Variants in CRIM1 observed in about 807,000 individuals in gnomAD.
The protein encoded by CRIM1 is cysteine-rich motor neuron 1 protein.
In CRIM1, 32 loss-of-function variants were observed where a neutral mutation model predicts 116.4. The observed-to-expected ratio is 0.27, with a 90% CI of 0.21 to 0.37. CRIM1 has a LOEUF of 0.37. Among genes scored for constraint, CRIM1 ranks in the 10% least tolerant of loss-of-function variants. The probability of loss-of-function intolerance (pLI) is 1.00; values close to 1 mark genes in which losing one functional copy is unlikely to be tolerated. For missense variants in CRIM1, 1,331 were observed against 1,354.8 expected (o/e 0.98, Z 0.28); for synonymous variants, 590 against 509.2 (o/e 1.16, Z -2.13).
intron 1 of CRIM1, among the ~76,000 whole-genome samples, chr2:36,375,461 G>A (rs943313823): frequency 2.4e-4 from 36 of 151,998 alleles, no homozygotes; most frequent in African/African-American, 8.2e-4. Context: ...TTGCATAAAC[G>A]GTATACAAAA....
At chr2:36,472,105 C>T (rs1005765027) in intron 5 of CRIM1, among the ~76,000 whole-genome samples, 5 of 152,282 alleles carry the variant, frequency 3.3e-5, no homozygotes, top group African/African-American at 9.6e-5. Context: ...ATTTTGCAGA[C>T]GCAAAACACA....
chr2:36,521,642 C>G (rs1665399486), intron 12 of CRIM1, among the ~76,000 whole-genome samples: 1 of 152,160 alleles, frequency 6.6e-6, no homozygotes. Flanking sequence ...GATGGCAGAA[C>G]ATATCTACCC....
intron 8 of CRIM1, among the ~76,000 whole-genome samples, chr2:36,500,897 C>T (rs977138452): frequency 6.6e-6 from 1 of 152,192 alleles, no homozygotes; most frequent in Non-Finnish European, 1.5e-5. Context: ...CAGAGCATTC[C>T]TTTGCTGGAA....
At chr2:36,359,204 C>T (rs1669057678) in intron 1 of CRIM1, among the ~76,000 whole-genome samples, 2 of 152,086 alleles carry the variant, frequency 1.3e-5, no homozygotes, top group Non-Finnish European at 2.9e-5. Flanking sequence ...GCAATTTTTG[C>T]ACTAAAATGA....
chr2:36,466,365 C>T (rs1678029550), intron 5 of CRIM1, among the ~76,000 whole-genome samples: 1 of 152,066 alleles, frequency 6.6e-6, no homozygotes, highest in South Asian at 2.1e-4. Context: ...GGTGCTTCTC[C>T]CCACTCTGGT....
intron 4 of CRIM1, among the ~76,000 whole-genome samples, chr2:36,446,959 C>G (rs1676292908): frequency 6.6e-6 from 1 of 152,170 alleles, no homozygotes; most frequent in Non-Finnish European, 1.5e-5. Context: ...ACTTAAAAGA[C>G]AGATACATTA....
At chr2:36,373,125 A>G (rs1040027216) in intron 1 of CRIM1, among the ~76,000 whole-genome samples, 1 of 152,210 alleles carries the variant, frequency 6.6e-6, no homozygotes, top group African/African-American at 2.4e-5. Flanking sequence ...AAATGCTGCC[A>G]AAATGAGAAG....
At chr2:36,535,037 A>G (rs1047724702) in intron 13 of CRIM1, among the ~76,000 whole-genome samples, 3 of 148,188 alleles carry the variant, frequency 2.0e-5, no homozygotes, top group African/African-American at 4.9e-5. Context: ...GTCCAGGCTC[A>G]GTCTAAGTTC....
At chr2:36,536,259 A>G (rs1331862828) in intron 13 of CRIM1, among the ~76,000 whole-genome samples, 4 of 152,180 alleles carry the variant, frequency 2.6e-5, no homozygotes, top group East Asian at 1.9e-4. Context: ...TCTTGTGTCT[A>G]TTCAATGAAT....
intron 3 of CRIM1, among the ~76,000 whole-genome samples, chr2:36,442,089 G>T (rs1430391463): frequency 6.6e-6 from 1 of 152,074 alleles, no homozygotes; most frequent in Non-Finnish European, 1.5e-5. Context: ...TTGTATCCCA[G>T]CTGTTTCTTG....
chr2:36,396,495 C>T (rs749080171), intron 1 of CRIM1, 119 bp from the exon 2 acceptor site: 20 of 606,492 alleles, frequency 3.3e-5, no homozygotes, highest in Middle Eastern at 5.3e-4. Context: ...GACTGCCTTT[C>T]ACAAATTGAT....
chr2:36,397,195 G>T (rs1672091115), intron 2 of CRIM1, among the ~76,000 whole-genome samples: 2 of 152,202 alleles, frequency 1.3e-5, no homozygotes, highest in Non-Finnish European at 2.9e-5. Flanking sequence ...TAGCAGAAAT[G>T]GGAGAATTAT....
At chr2:36,446,028 CAG>C (rs1676218514) in intron 4 of CRIM1, among the ~76,000 whole-genome samples, 1 of 152,146 alleles carries the variant, frequency 6.6e-6, no homozygotes. Flanking sequence ...GTGGAGAAAT[CAG>C]GGGAGAAAGC....
rs368600447 is a variant in CRIM1 at position 36,476,837 on chromosome 2, C to G, written c.992-52C>G. 188 of 1,468,210 alleles carry G rather than the reference C, an allele frequency of 1.3e-4. 1 individual carries two copies. The East Asian group carries it at 3.3e-3, about 26-fold the overall frequency. 90.9% of individuals were successfully genotyped at this position (1,468,210 alleles called of 1,614,324 possible). On this transcript the variant is annotated intron_variant, in intron 5 of 16. Transcript: ENST00000280527. ...AGGCTGTTTGAAAAACATCAAAGGA[C>G]ACAACTAAAAAATGACTACAAATAT...
At chr2:36,486,957 A>G (rs1459290364) in intron 7 of CRIM1, among the ~76,000 whole-genome samples, 1 of 152,230 alleles carries the variant, frequency 6.6e-6, no homozygotes, top group Non-Finnish European at 1.5e-5. Flanking sequence ...ATTAAGAGAC[A>G]TGCCCTTCAG....
chr2:36,505,981 G>C (rs1681364576), intron 8 of CRIM1, among the ~76,000 whole-genome samples: 1 of 152,064 alleles, frequency 6.6e-6, no homozygotes, highest in Non-Finnish European at 1.5e-5. Context: ...TAACAGATTT[G>C]TATTTTATAA....
chr2:36,418,404 A>G (rs1441649722), intron 2 of CRIM1, among the ~76,000 whole-genome samples: 3 of 152,178 alleles, frequency 2.0e-5, no homozygotes, highest in African/African-American at 4.8e-5. Flanking sequence ...CCCCAGGCTC[A>G]GCTTCCCAAG....
intron 7 of CRIM1, among the ~76,000 whole-genome samples, chr2:36,484,060 C>G (rs1328327530): frequency 6.6e-6 from 1 of 152,222 alleles, no homozygotes; most frequent in Non-Finnish European, 1.5e-5. Flanking sequence ...CTGATGGGCA[C>G]TCAGCTCTGG....
chr2:36,516,429 A>G (rs1665035452), intron 11 of CRIM1, among the ~76,000 whole-genome samples: 2 of 152,170 alleles, frequency 1.3e-5, no homozygotes, highest in South Asian at 2.1e-4. Context: ...TCATTTCCCC[A>G]GCAAAACTTC....
Sources: allele counts gnomAD v4.1 joint callset (sites outside exome capture counted in the v4.1 genomes callset), GRCh38; gene constraint gnomAD v4.1.1; transcripts MANE v1.5; gene names NCBI Gene and HGNC (gene_info 2026-07-23, HGNC 2026-07-21).